The following EIF2AK3 variants were observed in gnomAD, a reference collection of about 807,000 sequenced individuals.
EIF2AK3 encodes the protein eukaryotic translation initiation factor 2 alpha kinase 3, also known as eukaryotic translation initiation factor 2-alpha kinase 3.
In EIF2AK3, 50 loss-of-function variants were observed where a neutral mutation model predicts 113.5. The observed-to-expected ratio is 0.44, with a 90% CI of 0.35 to 0.56. The LOEUF (loss-of-function observed/expected upper bound fraction) is 0.56. Ranked by LOEUF, EIF2AK3 falls within the 20% of genes least tolerant of loss-of-function variation. The probability of loss-of-function intolerance (pLI) is 0.00; values close to 1 mark genes in which losing one functional copy is unlikely to be tolerated. For missense variants in EIF2AK3, 1,185 were observed against 1,378.0 expected (o/e 0.86, Z 2.22); for synonymous variants, 448 against 495.4 (o/e 0.90, Z 1.27).
At chr2:88,565,095 G>A (rs1055184583) in intron 14 of EIF2AK3, among the ~76,000 whole-genome samples, 25 of 147,956 alleles carry the variant, frequency 1.7e-4, no homozygotes, top group Non-Finnish European at 3.0e-4. Context: ...GGAGTGCAAT[G>A]GCAAGATGTC....
At chr2:88,605,847 AGGAAGACT>A in intron 2 of EIF2AK3, among the ~76,000 whole-genome samples, 1 of 152,290 alleles carries the variant, frequency 6.6e-6, no homozygotes, top group South Asian at 2.1e-4. Context: ...GGAAAGTAAA[AGGAAGACT>A]GTTTGATAAA....
chr2:88,604,294 T>C (rs552482038), intron 2 of EIF2AK3, among the ~76,000 whole-genome samples: 1 of 152,196 alleles, frequency 6.6e-6, no homozygotes, highest in Admixed American at 6.5e-5. Flanking sequence ...CAACCCTCAT[T>C]CCTGTTGCCA....
intron 2 of EIF2AK3, among the ~76,000 whole-genome samples, chr2:88,606,686 C>G (rs190301081): frequency 1.1e-4 from 16 of 152,282 alleles, no homozygotes; most frequent in Admixed American, 4.6e-4. Flanking sequence ...TTAAAAGGGT[C>G]TACTAATAGA....
chr2:88,592,949 C>T (rs542080002), intron 4 of EIF2AK3, among the ~76,000 whole-genome samples: 16 of 151,976 alleles, frequency 1.1e-4, no homozygotes, highest in Non-Finnish European at 1.8e-4. Context: ...GGACACCAGC[C>T]TGGCCAACAT....
intron 7 of EIF2AK3, 35 bp downstream of exon 7, chr2:88,588,726 C>CT: frequency 6.2e-7 from 1 of 1,612,228 alleles, no homozygotes; most frequent in Non-Finnish European, 8.5e-7. Flanking sequence ...TCTCTGAACA[C>CT]TAACAGTATT....
chr2:88,566,683 C>T (rs781704142), intron 14 of EIF2AK3, among the ~76,000 whole-genome samples: 16 of 152,176 alleles, frequency 1.1e-4, no homozygotes, highest in Admixed American at 4.6e-4. Flanking sequence ...CACAGTGGCT[C>T]ACGCCTGTAA....
At chr2:88,595,739 G>A (rs1413977517) in intron 2 of EIF2AK3, 76 bp from the exon 3 acceptor site, 1 of 1,326,560 alleles carries the variant, frequency 7.5e-7, no homozygotes, top group African/African-American at 1.5e-5. Context: ...CAGAAAAATA[G>A]AAGCATCATA....
chr2:88,582,872 A>G (rs1180816083), intron 10 of EIF2AK3, among the ~76,000 whole-genome samples: 2 of 152,230 alleles, frequency 1.3e-5, no homozygotes, highest in Non-Finnish European at 2.9e-5. Context: ...AATATGAAAA[A>G]TAAACCATAA....
intron 8 of EIF2AK3, 64 bp downstream of exon 8, chr2:88,587,918 C>A: frequency 8.7e-7 from 1 of 1,151,768 alleles, no homozygotes. Context: ...GACTTTTCTT[C>A]ATTTGAATTC....
intron 10 of EIF2AK3, among the ~76,000 whole-genome samples, chr2:88,581,755 GC>G (rs1376942167): frequency 6.6e-6 from 1 of 152,144 alleles, no homozygotes; most frequent in Non-Finnish European, 1.5e-5. Flanking sequence ...TATTAAAGTA[GC>G]CTTTAGCATT....
rs775908077 is a variant in EIF2AK3, at chr2:88,562,256, GA to G, written c.3087+32del. The G allele has an allele frequency of 2.1e-5, 33 of 1,566,870 alleles. 1 individual carries two copies. In the East Asian group the frequency reaches 7.2e-4, roughly 34 times the overall value. On this transcript the variant is annotated intron_variant, in intron 15 of 16. Coordinates refer to ENST00000303236, the MANE Select transcript of EIF2AK3 (RefSeq NM_004836.7). ...GTAAATGTTAGATTATTTTCTGTTT[GA>G]AACTTTTTTTTTGAGTAGGGAGGGT...
At chr2:88,623,185 G>A (rs1675774710) in intron 1 of EIF2AK3, among the ~76,000 whole-genome samples, 1 of 152,140 alleles carries the variant, frequency 6.6e-6, no homozygotes, top group African/African-American at 2.4e-5. Context: ...TTGTGTTGAA[G>A]TCAGAAGACT....
chr2:88,616,802 A>G (rs1219513284), intron 1 of EIF2AK3, among the ~76,000 whole-genome samples: 1 of 152,220 alleles, frequency 6.6e-6, no homozygotes, highest in Non-Finnish European at 1.5e-5. Flanking sequence ...TTTAAAGACC[A>G]TGCACACTGT....
rs1433661146 is a variant in EIF2AK3, at chr2:88,557,147, C to A, written c.*589G>T. On this transcript the variant is annotated 3_prime_UTR_variant, in exon 17 of 17. Coordinates refer to ENST00000303236, the MANE Select transcript of EIF2AK3 (RefSeq NM_004836.7). ...GGTAAAAGTACAAAAAGCTGTAAAC[C>A]CACCCTAGAACCATCTAAGGAATAA... is the stretch of plus-strand genomic sequence containing the variant. 1 of 152,640 alleles carries A rather than the reference C, an allele frequency of 6.6e-6. No homozygotes were observed. The highest frequency in any genetic ancestry group is 2.4e-5 in the African/African-American group (1 of 41,424). The allele number at this position is 152,640 out of a possible 1,614,324, so 9.5% of individuals were successfully genotyped here.
chr2:88,577,514 T>A (rs1016569312), intron 11 of EIF2AK3, among the ~76,000 whole-genome samples: 1 of 150,744 alleles, frequency 6.6e-6, no homozygotes, highest in African/African-American at 2.4e-5. Context: ...CACGCTGGAG[T>A]ACAGTGATGC....
chr2:88,616,552 A>C (rs1215841076), intron 1 of EIF2AK3, among the ~76,000 whole-genome samples: 1 of 151,990 alleles, frequency 6.6e-6, no homozygotes, highest in Non-Finnish European at 1.5e-5. Context: ...TCAGCCTCCC[A>C]AGTAGCTGGG....
At chr2:88,562,426 A>C (rs1353717580) in intron 14 of EIF2AK3, 36 bp from the exon 15 acceptor site, 2 of 1,527,066 alleles carry the variant, frequency 1.3e-6, no homozygotes, top group Non-Finnish European at 1.8e-6. Context: ...AAAAATTAAC[A>C]CAGAGACAGT....
intron 2 of EIF2AK3, among the ~76,000 whole-genome samples, chr2:88,596,934 T>C (rs1387093440): frequency 9.2e-5 from 14 of 152,206 alleles, no homozygotes; most frequent in Admixed American, 9.2e-4. Flanking sequence ...ACATTGACCT[T>C]TGGCATTTAA....
intron 12 of EIF2AK3, 152 bp from the exon 13 acceptor site, chr2:88,575,598 G>T: frequency 2.5e-6 from 2 of 804,452 alleles, no homozygotes; most frequent in Non-Finnish European, 4.1e-6. Flanking sequence ...AACATGCAAT[G>T]TGAGATACAG....
Sources: gnomAD v4.1 joint callset for allele counts (sites outside exome capture counted in the v4.1 genomes callset) on GRCh38, gnomAD v4.1.1 for gene constraint, MANE v1.5 for transcripts, NCBI Gene and HGNC (gene_info 2026-07-23, HGNC 2026-07-21) for gene names.